Variants in ACTN2 observed in about 807,000 individuals in gnomAD.
ACTN2 encodes actinin alpha 2.
In ACTN2, 39 loss-of-function variants were observed where a neutral mutation model predicts 113.8. That is an observed-to-expected ratio of 0.34 (90% CI 0.27 to 0.45). ACTN2 has a LOEUF of 0.45. Among genes scored for constraint, ACTN2 ranks in the 20% least tolerant of loss-of-function variants. The pLI is 1.00. For synonymous variants in ACTN2, 429 were observed against 444.1 expected (o/e 0.97, Z 0.43); for missense variants, 992 against 1,177.9 (o/e 0.84, Z 2.31).
At chr1:236,735,915 A>C (rs1010945594) in intron 8 of ACTN2, among the ~76,000 whole-genome samples, 195 bp downstream of exon 8, 7 of 152,184 alleles carry the variant, frequency 4.6e-5, no homozygotes, top group Non-Finnish European at 8.8e-5. Flanking sequence ...ACAGTTCCTG[A>C]AATGTTTTTA....
intron 1 of ACTN2, among the ~76,000 whole-genome samples, chr1:236,692,012 G>GT (rs1290556082): frequency 2.0e-5 from 3 of 152,254 alleles, no homozygotes; most frequent in Non-Finnish European, 4.4e-5. Context: ...AGCTCCAGAG[G>GT]TTTTTTGAGC....
chr1:236,737,297 GCATA>G lies in ACTN2; in HGVS notation c.876+84_876+87del, dbSNP rs1380441830. On this transcript the variant is annotated intron_variant, in intron 9 of 20. Coordinates refer to ENST00000366578, the MANE Select transcript of ACTN2 (RefSeq NM_001103.4). ...GAGGGTGAAAAAATACTCCGTGGGGGCATATATATATATATATATATTTTGCATT... is the reference window on the plus strand; with the variant it reads ...GAGGGTGAAAAAATACTCCGTGGGGGTATATATATATATATATTTTGCATT... The G allele has an allele frequency of 6.4e-4, 205 of 322,070 alleles. 18 individuals are homozygous for G. The highest frequency in any genetic ancestry group is 9.3e-4 in the African/African-American group (34 of 36,426). The allele number at this position is 322,070 out of a possible 1,614,324, so 20.0% of individuals were successfully genotyped here.
At chr1:236,743,474 T>C (rs1178145005) in intron 11 of ACTN2, among the ~76,000 whole-genome samples, 2 of 152,108 alleles carry the variant, frequency 1.3e-5, no homozygotes, top group African/African-American at 2.4e-5. Flanking sequence ...ATGCAAGATA[T>C]CATGTATAAT....
At position 236,764,484 on chromosome 1, in the gene ACTN2, A is replaced by G. The variant is rs539505686; in HGVS notation, c.*1865A>G. The G allele has an allele frequency of 2.0e-5, 3 of 152,338 alleles. No homozygotes were observed. In the South Asian group the frequency reaches 6.2e-4, roughly 32 times the overall value. 9.4% of individuals were successfully genotyped at this position (152,338 alleles called of 1,614,324 possible). A position where few individuals can be genotyped will look rare whatever the true frequency, so the allele number is the denominator to read the frequency against. Reference sequence around the variant, plus strand: ...AGGGGGTCAGTAGTCTCTATCTGCTAATAAATGAAGAAAGGAAGTAAACTC... The same window carrying G: ...AGGGGGTCAGTAGTCTCTATCTGCTGATAAATGAAGAAAGGAAGTAAACTC... On this transcript the variant is annotated 3_prime_UTR_variant, in exon 21 of 21. Coordinates refer to ENST00000366578, the MANE Select transcript of ACTN2 (RefSeq NM_001103.4).
At chr1:236,741,211 A>G (rs1335876687) in intron 10 of ACTN2, among the ~76,000 whole-genome samples, 3 of 151,538 alleles carry the variant, frequency 2.0e-5, no homozygotes, top group African/African-American at 7.3e-5. Context: ...TGCCTGGCTA[A>G]TTATTTCTTT....
rs1332064909 is a variant in ACTN2, at chr1:236,744,745, G to GAGC, written c.1378_1380dup (p.Gln460dup). On this transcript the variant is annotated inframe_insertion, in exon 12 of 21. Transcript: ENST00000366578. ...CCTGGCAGCGCACCAGGACCGCGTG[G>GAGC]AGCAGATCGCAGCCATCGCGCAGGA... The GAGC allele has an allele frequency of 6.2e-7, 1 of 1,614,054 alleles. No individual in the cohort carries two copies. The highest frequency in any genetic ancestry group is 1.3e-5 in the African/African-American group (1 of 74,950).
chr1:236,726,308 C>T (rs1658548627), intron 5 of ACTN2, among the ~76,000 whole-genome samples: 1 of 152,158 alleles, frequency 6.6e-6, no homozygotes, highest in South Asian at 2.1e-4. Flanking sequence ...CTCTAGCCTT[C>T]ACCCTGGTAT....
rs2102955900 is a variant in ACTN2, at chr1:236,764,290, G to A, written c.*1671G>A. ...TTTTGGGGTGGTTTAGATGAACTCT[G>A]ACTCTATTTTATTTCAAGTAGGTGC... is the stretch of plus-strand genomic sequence containing the variant. On this transcript the variant is annotated 3_prime_UTR_variant, in exon 21 of 21. Coordinates refer to ENST00000366578, the MANE Select transcript of ACTN2 (RefSeq NM_001103.4). 6.6e-6 allele frequency: 1 copy of A among 152,280 alleles called. No homozygotes were observed. Among genetic ancestry groups the A allele is most frequent in the South Asian group, 2.1e-4 (1 of 4,816 alleles). 9.4% of individuals were successfully genotyped at this position (152,280 alleles called of 1,614,324 possible).
At chr1:236,731,372 G>A in intron 7 of ACTN2, 58 bp downstream of exon 7, 1 of 1,419,754 alleles carries the variant, frequency 7.0e-7, no homozygotes, top group Non-Finnish European at 1.0e-6. Context: ...CAAATGTTAT[G>A]GCTACACATT....
intron 11 of ACTN2, 147 bp downstream of exon 11, chr1:236,743,190 C>A: frequency 9.9e-7 from 1 of 1,009,920 alleles, no homozygotes; most frequent in African/African-American, 1.6e-5. Context: ...GTCTCAGTGC[C>A]AAATTTATTT....
At chr1:236,710,793 T>C (rs529885244) in intron 1 of ACTN2, among the ~76,000 whole-genome samples, 71 of 152,320 alleles carry the variant, frequency 4.7e-4, no homozygotes, top group African/African-American at 1.6e-3. Flanking sequence ...AACCCTACTG[T>C]GAACTGTGTG....
intron 15 of ACTN2, among the ~76,000 whole-genome samples, chr1:236,751,969 TA>T (rs752663571): frequency 1.6e-4 from 24 of 152,246 alleles, no homozygotes; most frequent in Non-Finnish European, 2.8e-4. Flanking sequence ...GAAATTTGGT[TA>T]AAAACTTGGT....
chr1:236,745,952 A>G (rs1308621559), intron 12 of ACTN2, among the ~76,000 whole-genome samples: 3 of 152,016 alleles, frequency 2.0e-5, no homozygotes, highest in African/African-American at 7.2e-5. Context: ...TCACGAGGTC[A>G]GGAGATCAAG....
At chr1:236,715,731 G>A (rs1312361634) in intron 1 of ACTN2, among the ~76,000 whole-genome samples, 7 of 152,116 alleles carry the variant, frequency 4.6e-5, no homozygotes. Context: ...CGAGGCAGAT[G>A]GATCACCTGA....
intron 1 of ACTN2, among the ~76,000 whole-genome samples, chr1:236,711,124 G>T (rs2102883328): frequency 6.6e-6 from 1 of 152,348 alleles, no homozygotes. Flanking sequence ...TGTATAGCCA[G>T]TGGAGAGCAT....
At position 236,762,323 on chromosome 1, in the gene ACTN2, T is replaced by A. The variant is rs1659730561; in HGVS notation, c.2527-138T>A. The A allele has an allele frequency of 1.5e-5, 17 of 1,163,306 alleles. No individual in the cohort carries two copies. In the Admixed American group the frequency reaches 2.9e-4, roughly 20 times the overall value. 72.1% of individuals were successfully genotyped at this position (1,163,306 alleles called of 1,614,324 possible). A position where few individuals can be genotyped will look rare whatever the true frequency, so the allele number is the denominator to read the frequency against. ...ACTTGGCTTTCTGTTGGTTGTCTGGTACTACTATGCCAATAGACTCCCTAT... is the reference window on the plus strand; with the variant it reads ...ACTTGGCTTTCTGTTGGTTGTCTGGAACTACTATGCCAATAGACTCCCTAT... On this transcript the variant is annotated intron_variant, in intron 20 of 20. Coordinates refer to ENST00000366578, the MANE Select transcript of ACTN2 (RefSeq NM_001103.4).
chr1:236,716,859 G>A, intron 1 of ACTN2, among the ~76,000 whole-genome samples: 1 of 118,414 alleles, frequency 8.4e-6, no homozygotes. Flanking sequence ...TTTTGAGACA[G>A]AGTCTCACTC....
chr1:236,702,683 T>C (rs2102871900), intron 1 of ACTN2, among the ~76,000 whole-genome samples: 1 of 152,280 alleles, frequency 6.6e-6, no homozygotes, highest in African/African-American at 2.4e-5. Context: ...TTCCCTCCGG[T>C]GTGGAGTTGG....
Position 236,757,382 on chromosome 1 carries a change from G to C in ACTN2, c.2155-104G>C, listed in dbSNP as rs933421305. On this transcript the variant is annotated intron_variant, in intron 17 of 20. Coordinates refer to ENST00000366578, the MANE Select transcript of ACTN2 (RefSeq NM_001103.4). Reference sequence around the variant, plus strand: ...TGTGGGGAAGGCTATCATGAGCCCTGCTTAGTAAGCCCTTTGAGTCGGCTG... The same window carrying C: ...TGTGGGGAAGGCTATCATGAGCCCTCCTTAGTAAGCCCTTTGAGTCGGCTG... 6 of 1,434,616 alleles carry C rather than the reference G, an allele frequency of 4.2e-6. No homozygotes were observed. The East Asian group carries it at 1.4e-4, about 33-fold the overall frequency. 88.9% of individuals were successfully genotyped at this position (1,434,616 alleles called of 1,614,324 possible). A position where few individuals can be genotyped will look rare whatever the true frequency, so the allele number is the denominator to read the frequency against.
Sources: allele counts gnomAD v4.1 joint callset (sites outside exome capture counted in the v4.1 genomes callset), GRCh38; gene constraint gnomAD v4.1.1; transcripts MANE v1.5; gene names NCBI Gene and HGNC (gene_info 2026-07-23, HGNC 2026-07-21).